Variants in IQGAP3 observed in about 807,000 individuals in gnomAD.
The protein encoded by IQGAP3 is ras GTPase-activating-like protein IQGAP3.
A neutral mutation model predicts 208.2 loss-of-function variants in IQGAP3; 165 were observed. The ratio of observed to expected loss-of-function variants is 0.79; its 90% CI spans 0.70 to 0.90. The LOEUF (loss-of-function observed/expected upper bound fraction) is 0.90. Ranked by LOEUF, IQGAP3 falls within the 40% of genes least tolerant of loss-of-function variation. IQGAP3 has a pLI of 0.00. For missense variants in IQGAP3, 1,811 were observed against 2,043.1 expected, an observed-to-expected ratio of 0.89 and a Z score of 2.19; for synonymous variants, 703 against 803.6, an observed-to-expected ratio of 0.87 and a Z score of 2.12.
chr1:156,538,754 G>C lies in IQGAP3; in HGVS notation c.3281+55C>G, dbSNP rs926870782. ...CTTCCCCAGTAGGGTCCAAGACACA[G>C]CTGATCAAGACACAGCTGATCAAAG... On this transcript the variant is annotated intron_variant, in intron 26 of 37. Transcript: ENST00000361170. The C allele has an allele frequency of 6.1e-6, 9 of 1,477,502 alleles. No homozygotes were observed. In the African/African-American group the frequency reaches 1.1e-4, roughly 18 times the overall value. 91.5% of individuals were successfully genotyped at this position (1,477,502 alleles called of 1,614,324 possible). A position where few individuals can be genotyped will look rare whatever the true frequency, so the allele number is the denominator to read the frequency against.
At position 156,529,030 on chromosome 1, in the gene IQGAP3, T is replaced by C; in HGVS notation, c.4457A>G (p.Lys1486Arg). The C allele has an allele frequency of 1.9e-6, 3 of 1,614,210 alleles. No individual in the cohort carries two copies. The highest frequency in any genetic ancestry group is 2.5e-6 in the Non-Finnish European group (3 of 1,180,032). Residue 1486 changes from lysine to arginine, a missense_variant, in exon 35 of 38, where the codon AAG becomes AGG. By Grantham distance (26) the Lys-to-Arg change is conservative. Coordinates refer to ENST00000361170, the MANE Select transcript of IQGAP3 (RefSeq NM_178229.5). ...CAGGCCCTGTAATGTGGCCTGCAGC[T>C]TCACCAGCTCTGCCTTCCGCCTGTG... ...HRHRRKAELVKLQATLQGLST... is the reference protein window; with the variant it reads ...HRHRRKAELVRLQATLQGLST...
chr1:156,526,468 T>C lies in IQGAP3; in HGVS notation c.*18A>G. ...TCCAGAGAGGTAAGAGGGGCTTGGG[T>C]AGCACCCTTTGCCTCTGTCACTTCC... On this transcript the variant is annotated 3_prime_UTR_variant, in exon 38 of 38. Transcript: ENST00000361170. The C allele has an allele frequency of 2.0e-6, 3 of 1,499,242 alleles. No individual in the cohort carries two copies. Among genetic ancestry groups the C allele is most frequent in the Non-Finnish European group, 2.8e-6 (3 of 1,075,476 alleles). The allele number at this position is 1,499,242 out of a possible 1,614,324, so 92.9% of individuals were successfully genotyped here. A position where few individuals can be genotyped will look rare whatever the true frequency, so the allele number is the denominator to read the frequency against.
intron 22 of IQGAP3, among the ~76,000 whole-genome samples, chr1:156,541,363 G>A (rs2102384895): frequency 6.6e-6 from 1 of 152,080 alleles, no homozygotes; most frequent in Non-Finnish European, 1.5e-5. Context: ...CCTCTGTCAG[G>A]AATGTCTGTA....
intron 2 of IQGAP3, 55 bp from the exon 3 acceptor site, chr1:156,566,601 C>T: frequency 6.4e-7 from 1 of 1,568,672 alleles, no homozygotes; most frequent in South Asian, 1.1e-5. Flanking sequence ...GTGATTTATT[C>T]TAACAACAGG....
intron 29 of IQGAP3, 96 bp from the exon 30 acceptor site, chr1:156,534,237 C>T: frequency 6.4e-7 from 1 of 1,573,550 alleles, no homozygotes; most frequent in Non-Finnish European, 8.6e-7. Context: ...AGTGATTGCT[C>T]AGGCCAATTT....
At chr1:156,556,762 C>G (rs1675840902) in intron 11 of IQGAP3, 69 bp from the exon 12 acceptor site, 1 of 1,378,452 alleles carries the variant, frequency 7.3e-7, no homozygotes, top group Admixed American at 2.7e-5. Flanking sequence ...TCCTCACCAA[C>G]TAGGCTCCGC....
intron 2 of IQGAP3, among the ~76,000 whole-genome samples, chr1:156,567,617 G>GA (rs1384318810): frequency 6.6e-6 from 1 of 152,162 alleles, no homozygotes; most frequent in Non-Finnish European, 1.5e-5. Context: ...GGTCTAATTG[G>GA]AAAGTATCTG....
chr1:156,547,291 C>A (rs1257246242), intron 19 of IQGAP3, among the ~76,000 whole-genome samples: 2 of 152,016 alleles, frequency 1.3e-5, no homozygotes, highest in African/African-American at 4.8e-5. Context: ...GATATTCCAC[C>A]CCTTTTCTGT....
chr1:156,535,672 G>A (rs992824413), intron 27 of IQGAP3, among the ~76,000 whole-genome samples: 2 of 152,174 alleles, frequency 1.3e-5, no homozygotes, highest in African/African-American at 2.4e-5. Context: ...AGGTGGCTCC[G>A]AGGTAGTCAA....
chr1:156,547,436 C>CA (rs1675314687), intron 19 of IQGAP3, among the ~76,000 whole-genome samples: 1 of 150,878 alleles, frequency 6.6e-6, no homozygotes, highest in Admixed American at 6.6e-5. Context: ...GACACACACA[C>CA]ATTTTTAGAG....
rs558269967 is a variant in IQGAP3 at position 156,545,810 on chromosome 1, T to A, written c.2305-1338A>T. On this transcript the variant is annotated intron_variant, in intron 19 of 37. Coordinates refer to ENST00000361170, the MANE Select transcript of IQGAP3 (RefSeq NM_178229.5). ...CACCATGCTTGGCCCTTCCTGTCTTTTAGGCCCCATGTCCAGCATCTCCCA... is the reference window on the plus strand; with the variant it reads ...CACCATGCTTGGCCCTTCCTGTCTTATAGGCCCCATGTCCAGCATCTCCCA... Among the ~76,000 whole-genome samples the A allele has an allele frequency of 7.2e-5, 11 of 152,226 alleles. No homozygotes were observed. In the East Asian group the frequency reaches 2.1e-3, roughly 29 times the overall value.
At position 156,529,088 on chromosome 1, in the gene IQGAP3, G is replaced by A. The variant is rs775521236; in HGVS notation, c.4405-6C>T. ...CTGTGCTGGTTGCGGATGTCCTGGG[G>A]TTGGGGAACAGATGGAGGGATGAGT... On this transcript the variant is annotated splice_region_variant and splice_polypyrimidine_tract_variant and intron_variant, in intron 34 of 37. Coordinates refer to ENST00000361170, the MANE Select transcript of IQGAP3 (RefSeq NM_178229.5). 8.1e-6 allele frequency: 13 copies of A among 1,613,876 alleles called. No homozygotes were observed. In the Middle Eastern group the frequency reaches 6.6e-4, roughly 82 times the overall value.
chr1:156,555,001 C>G (rs1675759264), intron 12 of IQGAP3, among the ~76,000 whole-genome samples: 1 of 152,110 alleles, frequency 6.6e-6, no homozygotes, highest in African/African-American at 2.4e-5. Context: ...TTGCAATGAG[C>G]CGAGATCATG....
At chr1:156,556,934 C>A (rs367804895) in intron 11 of IQGAP3, among the ~76,000 whole-genome samples, 4 of 1,246 alleles carry the variant, frequency 3.2e-3, no homozygotes, top group African/African-American at 3.8e-3. Flanking sequence ...AGCTCAGCCT[C>A]TGCCCCGCCG....
At chr1:156,543,866 T>C in intron 22 of IQGAP3, 115 bp downstream of exon 22, 1 of 875,674 alleles carries the variant, frequency 1.1e-6, no homozygotes, top group South Asian at 1.5e-5. Flanking sequence ...CACAGACAAC[T>C]TGTGACTACC....
intron 34 of IQGAP3, among the ~76,000 whole-genome samples, 191 bp from the exon 35 acceptor site, chr1:156,529,273 G>C (rs117823302): frequency 1.3e-5 from 2 of 152,224 alleles, no homozygotes; most frequent in Admixed American, 1.3e-4. Context: ...GCCTCTGCCC[G>C]TTGAGGACTA....
chr1:156,555,226 C>A (rs1035060605), intron 12 of IQGAP3, among the ~76,000 whole-genome samples: 1 of 152,058 alleles, frequency 6.6e-6, no homozygotes, highest in Non-Finnish European at 1.5e-5. Flanking sequence ...TTGTCTAGAG[C>A]ACCCTTCCTA....
In IQGAP3 at chr1:156,530,878, A is replaced by T. The variant is rs549832606; in HGVS notation, c.4191+282T>A. Among the ~76,000 whole-genome samples the T allele has an allele frequency of 2.8e-4, 42 of 152,300 alleles. No homozygotes were observed. The South Asian group carries it at 4.1e-3, about 15-fold the overall frequency. On this transcript the variant is annotated intron_variant, in intron 33 of 37. Coordinates refer to ENST00000361170, the MANE Select transcript of IQGAP3 (RefSeq NM_178229.5). ...GCAGGCCTTCCAGGGGAGCATTCCCAGACGGTCTCTCAGTGCCCCCCATAG... is the reference window on the plus strand; with the variant it reads ...GCAGGCCTTCCAGGGGAGCATTCCCTGACGGTCTCTCAGTGCCCCCCATAG...
At chr1:156,546,101 G>A (rs1223868658) in intron 19 of IQGAP3, among the ~76,000 whole-genome samples, 1 of 152,132 alleles carries the variant, frequency 6.6e-6, no homozygotes, top group Non-Finnish European at 1.5e-5. Flanking sequence ...TCCTCCTCCA[G>A]GTACTGACTG....
Sources: gnomAD v4.1 joint callset for allele counts (sites outside exome capture counted in the v4.1 genomes callset) on GRCh38, gnomAD v4.1.1 for gene constraint, MANE v1.5 for transcripts, NCBI Gene and HGNC (gene_info 2026-07-23, HGNC 2026-07-21) for gene names.